The following HLCS variants were observed in gnomAD, a reference collection of about 807,000 sequenced individuals.
The protein encoded by HLCS is holocarboxylase synthetase.
A neutral mutation model predicts 75.0 loss-of-function variants in HLCS; 53 were observed. The ratio of observed to expected loss-of-function variants is 0.71; its 90% CI spans 0.57 to 0.89. HLCS has a LOEUF of 0.89. Ranked by LOEUF, HLCS falls within the 40% of genes least tolerant of loss-of-function variation. HLCS has a pLI of 0.00. For missense variants in HLCS, 966 were observed against 1,074.0 expected, an observed-to-expected ratio of 0.90 and a Z score of 1.41; for synonymous variants, 431 against 428.6, an observed-to-expected ratio of 1.01 and a Z score of -0.07.
chr21:36,902,572 T>G (rs1317421498), intron 5 of HLCS, among the ~76,000 whole-genome samples: 1 of 152,258 alleles, frequency 6.6e-6, no homozygotes, highest in African/African-American at 2.4e-5. Flanking sequence ...GTGGGAATCC[T>G]GGTGCTGGCA....
At chr21:36,784,616 G>GT (rs1310951286) in intron 6 of HLCS, among the ~76,000 whole-genome samples, 2 of 152,034 alleles carry the variant, frequency 1.3e-5, no homozygotes. Context: ...ATGCCCGGCC[G>GT]GCCAGCCTCT....
intron 6 of HLCS, among the ~76,000 whole-genome samples, chr21:36,781,204 C>A (rs1276557850): frequency 6.7e-6 from 1 of 148,238 alleles, no homozygotes; most frequent in African/African-American, 2.5e-5. Flanking sequence ...TTGCAGTGAG[C>A]TGAGATCATG....
At position 36,751,294 on chromosome 21, in the gene HLCS, G is replaced by C. The variant is rs1360235759; in HGVS notation, c.*2952C>G. ...TCCTTTGAGAAGTTAAAATTGCAGAGGCTTACGCTTTCTTTTATTTCAAAT... is the reference window on the plus strand; with the variant it reads ...TCCTTTGAGAAGTTAAAATTGCAGACGCTTACGCTTTCTTTTATTTCAAAT... On this transcript the variant is annotated 3_prime_UTR_variant, in exon 11 of 11. Transcript: ENST00000674895. 6.6e-6 allele frequency: 1 copy of C among 152,634 alleles called. No homozygotes were observed. Among genetic ancestry groups the C allele is most frequent in the East Asian group, 1.9e-4 (1 of 5,200 alleles). The allele number at this position is 152,634 out of a possible 1,614,324, so 9.5% of individuals were successfully genotyped here. A position where few individuals can be genotyped will look rare whatever the true frequency, so the allele number is the denominator to read the frequency against.
chr21:36,966,877 A>T (rs546207461), upstream of HLCS, among the ~76,000 whole-genome samples: 2 of 136,346 alleles, frequency 1.5e-5, no homozygotes, highest in South Asian at 4.8e-4. Flanking sequence ...GGCCGCGCCC[A>T]GGGCTGGTGG....
intron 2 of HLCS, among the ~76,000 whole-genome samples, chr21:36,939,602 A>T (rs1206044324): frequency 6.6e-6 from 1 of 152,142 alleles, no homozygotes; most frequent in Non-Finnish European, 1.5e-5. Context: ...CCTCCCTGTA[A>T]GGAGGTTCAC....
intron 5 of HLCS, among the ~76,000 whole-genome samples, chr21:36,907,059 C>A (rs1300600800): frequency 6.6e-6 from 1 of 152,036 alleles, no homozygotes; most frequent in African/African-American, 2.4e-5. Flanking sequence ...CAACAGTGCC[C>A]AAGATAACTG....
intron 6 of HLCS, among the ~76,000 whole-genome samples, chr21:36,806,929 G>A (rs930950394): frequency 4.6e-5 from 7 of 152,198 alleles, no homozygotes; most frequent in Admixed American, 3.3e-4. Flanking sequence ...GGGTGGCTCC[G>A]CCTCCACTTT....
intron 6 of HLCS, among the ~76,000 whole-genome samples, chr21:36,874,831 A>G (rs2063905478): frequency 6.6e-6 from 1 of 151,796 alleles, no homozygotes; most frequent in Non-Finnish European, 1.5e-5. Flanking sequence ...GCGGCCACCC[A>G]GCCACGGCTC....
At chr21:36,928,606 T>C (rs2066505074) in intron 5 of HLCS, among the ~76,000 whole-genome samples, 1 of 152,064 alleles carries the variant, frequency 6.6e-6, no homozygotes, top group Admixed American at 6.6e-5. Flanking sequence ...TGAGGATATG[T>C]ACAACATACA....
intron 6 of HLCS, among the ~76,000 whole-genome samples, chr21:36,870,493 A>C (rs2063732379): frequency 6.6e-6 from 1 of 152,190 alleles, no homozygotes; most frequent in Non-Finnish European, 1.5e-5. Flanking sequence ...ATTAATTTTA[A>C]AACTAGGTTA....
intron 1 of HLCS, among the ~76,000 whole-genome samples, chr21:36,989,161 G>A (rs536713525): frequency 5.3e-5 from 8 of 150,782 alleles, no homozygotes; most frequent in Non-Finnish European, 1.2e-4. Flanking sequence ...CTCAGCCTCC[G>A]GAGTAGCTGA....
At chr21:36,793,087 T>C (rs1206704312) in intron 6 of HLCS, among the ~76,000 whole-genome samples, 1 of 152,162 alleles carries the variant, frequency 6.6e-6, no homozygotes, top group Non-Finnish European at 1.5e-5. Flanking sequence ...GCGCTTTTGA[T>C]TCCTGATTAA....
intron 6 of HLCS, among the ~76,000 whole-genome samples, chr21:36,831,409 G>A (rs1383028219): frequency 6.6e-6 from 1 of 152,208 alleles, no homozygotes; most frequent in East Asian, 1.9e-4. Flanking sequence ...GGCCGGCATG[G>A]TGGCTCACAC....
chr21:36,933,506 G>A (rs55954735), intron 4 of HLCS, among the ~76,000 whole-genome samples: 3,049 of 142,418 alleles, frequency 0.021, 108 homozygotes, highest in African/African-American at 0.072. Context: ...AGCCGAGATC[G>A]TACCACTGCA....
At position 36,753,381 on chromosome 21, in the gene HLCS, A is replaced by C. The variant is rs992720463; in HGVS notation, c.*865T>G. The stretch of plus-strand genomic sequence containing the variant: ...TCTGAAACTGGCTTAAAAGCTCCAA[A>C]TCCTCCCTTGTATGTGGTATGAGTG... On this transcript the variant is annotated 3_prime_UTR_variant, in exon 11 of 11. Coordinates refer to ENST00000674895, the MANE Select transcript of HLCS (RefSeq NM_001352514.2). This position sits in a 1 kb window ranked among gnomAD's most constrained non-coding sequence, Gnocchi z 4.3. 6.6e-6 allele frequency: 1 copy of C among 152,096 alleles called. No individual in the cohort carries two copies. Among genetic ancestry groups the C allele is most frequent in the Admixed American group, 6.5e-5 (1 of 15,282 alleles). 9.4% of individuals were successfully genotyped at this position (152,096 alleles called of 1,614,324 possible). A position where few individuals can be genotyped will look rare whatever the true frequency, so the allele number is the denominator to read the frequency against.
At chr21:36,957,274 C>T (rs756509861) in intron 2 of HLCS, among the ~76,000 whole-genome samples, 1 of 152,058 alleles carries the variant, frequency 6.6e-6, no homozygotes, top group Non-Finnish European at 1.5e-5. Flanking sequence ...ATGTGTGGCA[C>T]CTCCCCCAGC....
chr21:36,921,199 C>T (rs1430623473), intron 5 of HLCS, among the ~76,000 whole-genome samples: 3 of 152,220 alleles, frequency 2.0e-5, no homozygotes, highest in Non-Finnish European at 4.4e-5. Flanking sequence ...GTAATCCCAG[C>T]ACTTTGGGGA....
At position 36,749,500 on chromosome 21, in the gene HLCS, C is replaced by T. The variant is rs959144506; in HGVS notation, c.*4746G>A. Reference sequence around the variant, plus strand: ...TGTGTCACTTAGTGAGGACCTGACACAATCCCTACAGGGTGTCTGTCAGTG... The same window carrying T: ...TGTGTCACTTAGTGAGGACCTGACATAATCCCTACAGGGTGTCTGTCAGTG... On this transcript the variant is annotated 3_prime_UTR_variant, in exon 11 of 11. Transcript: ENST00000674895. 1 of 147,984 alleles carries T rather than the reference C, an allele frequency of 6.8e-6. No homozygotes were observed. The highest frequency in any genetic ancestry group is 2.5e-5 in the African/African-American group (1 of 39,638). 9.2% of individuals were successfully genotyped at this position (147,984 alleles called of 1,614,324 possible).
At chr21:36,940,461 G>C (rs942012666) in intron 2 of HLCS, among the ~76,000 whole-genome samples, 4 of 152,110 alleles carry the variant, frequency 2.6e-5, no homozygotes, top group Non-Finnish European at 5.9e-5. Context: ...ACAGGCTCGG[G>C]CCACCACACT....
Sources: allele counts gnomAD v4.1 joint callset (sites outside exome capture counted in the v4.1 genomes callset), GRCh38; gene constraint gnomAD v4.1.1; non-coding constraint Gnocchi (gnomAD v3.1); transcripts MANE v1.5; gene names NCBI Gene and HGNC (gene_info 2026-07-23, HGNC 2026-07-21).